The following AASS variants were observed in gnomAD, a reference collection of about 807,000 sequenced individuals.
The protein encoded by AASS is aminoadipate-semialdehyde synthase.
Under a neutral mutation model 105.4 loss-of-function variants are expected in AASS, and 86 were observed. The observed-to-expected ratio is 0.82, with a 90% CI of 0.69 to 0.98. The LOEUF (loss-of-function observed/expected upper bound fraction) is 0.98, where lower values mean the gene tolerates loss of function less well. AASS is among the 50% of genes least tolerant of loss of function. AASS has a pLI of 0.00. For missense variants in AASS, 1,048 were observed against 1,143.2 expected (o/e 0.92, Z 1.20); for synonymous variants, 381 against 394.8 (o/e 0.96, Z 0.41).
At chr7:122,110,533 T>C (rs925571041) in intron 11 of AASS, among the ~76,000 whole-genome samples, 4 of 151,914 alleles carry the variant, frequency 2.6e-5, no homozygotes, top group African/African-American at 9.7e-5. Flanking sequence ...CCAAATAGTT[T>C]TGCTAATGAA....
At chr7:122,128,315 C>A (rs1027206581) in intron 3 of AASS, among the ~76,000 whole-genome samples, 3 of 152,168 alleles carry the variant, frequency 2.0e-5, no homozygotes, top group African/African-American at 7.2e-5. Flanking sequence ...ATAAGCATTT[C>A]TGAACATGGT....
At chr7:122,093,254 T>C (rs903167304) in intron 15 of AASS, 96 bp from the exon 16 acceptor site, 1 of 901,422 alleles carries the variant, frequency 1.1e-6, no homozygotes, top group South Asian at 1.4e-5. Flanking sequence ...AAGGTACTGT[T>C]CTGATTAAAT....
intron 11 of AASS, among the ~76,000 whole-genome samples, chr7:122,111,899 G>A (rs1016153755): frequency 6.6e-6 from 1 of 151,960 alleles, no homozygotes; most frequent in African/African-American, 2.4e-5. Flanking sequence ...GCGAGAATCT[G>A]TCTCAAAAAA....
At chr7:122,101,168 C>A (rs536337444) in intron 13 of AASS, among the ~76,000 whole-genome samples, 2 of 151,908 alleles carry the variant, frequency 1.3e-5, no homozygotes, top group East Asian at 3.9e-4. Context: ...GCCAAAATGA[C>A]GCTATACTAC....
chr7:122,126,335 CA>C (rs766121352), intron 4 of AASS, 39 bp downstream of exon 4: 5 of 1,568,204 alleles, frequency 3.2e-6, no homozygotes, highest in Non-Finnish European at 3.5e-6. Context: ...TTCCCCAAGC[CA>C]ATTTAGGAAG....
chr7:122,116,541 G>A (rs1795185110), intron 8 of AASS, 92 bp downstream of exon 8: 1 of 1,520,348 alleles, frequency 6.6e-7, no homozygotes, highest in Non-Finnish European at 9.1e-7. Flanking sequence ...AAAACTGAAA[G>A]CCATTGTACA....
intron 11 of AASS, among the ~76,000 whole-genome samples, chr7:122,104,244 G>A (rs926782574): frequency 6.6e-6 from 1 of 151,944 alleles, no homozygotes; most frequent in Non-Finnish European, 1.5e-5. Flanking sequence ...CATCAGTGGT[G>A]AATTGGATAA....
chr7:122,085,876 A>T, intron 19 of AASS, 136 bp downstream of exon 19: 1 of 951,556 alleles, frequency 1.1e-6, no homozygotes, highest in Non-Finnish European at 1.6e-6. Context: ...ATATTCAATC[A>T]ATCATAAGAT....
Position 122,113,098 on chromosome 7 carries a change from G to C in AASS, c.1278+20C>G. 1 of 1,574,018 alleles carries C rather than the reference G, an allele frequency of 6.4e-7. No individual in the cohort carries two copies. The highest frequency in any genetic ancestry group is 8.7e-7 in the Non-Finnish European group (1 of 1,143,500). On this transcript the variant is annotated intron_variant, in intron 11 of 23. Transcript: ENST00000417368. Reference sequence around the variant, plus strand: ...AATTTAAAGCCACAGAGTTGTTACTGATATTACCAGTCTGCTTACCATTTC... The same window carrying C: ...AATTTAAAGCCACAGAGTTGTTACTCATATTACCAGTCTGCTTACCATTTC...
At chr7:122,129,978 C>A (rs1795838183) in intron 2 of AASS, among the ~76,000 whole-genome samples, 1 of 152,028 alleles carries the variant, frequency 6.6e-6, no homozygotes, top group African/African-American at 2.4e-5. Context: ...ACTATCCTTA[C>A]TGTACATTAG....
intron 1 of AASS, among the ~76,000 whole-genome samples, chr7:122,141,732 A>G (rs1009354992): frequency 2.6e-5 from 4 of 151,514 alleles, no homozygotes; most frequent in Non-Finnish European, 5.9e-5. Flanking sequence ...GTCGTGAAAT[A>G]TAGTACAGTA....
intron 22 of AASS, 134 bp from the exon 23 acceptor site, chr7:122,078,148 A>G: frequency 1.2e-6 from 1 of 845,806 alleles, no homozygotes; most frequent in Non-Finnish European, 1.9e-6. Context: ...TTATTTACAC[A>G]GCTTTTTAGC....
intron 23 of AASS, 88 bp from the exon 24 acceptor site, chr7:122,076,695 T>A: frequency 5.0e-6 from 5 of 994,570 alleles, no homozygotes; most frequent in Non-Finnish European, 8.1e-6. Context: ...AGAAGCAAAC[T>A]CAGAGTCAAT....
chr7:122,118,692 T>C, intron 4 of AASS, 62 bp from the exon 5 acceptor site: 1 of 1,531,444 alleles, frequency 6.5e-7, no homozygotes, highest in South Asian at 1.2e-5. Context: ...CTGTTCTCTC[T>C]GCTCGTTCTC....
intron 9 of AASS, 121 bp from the exon 10 acceptor site, chr7:122,113,841 G>C: frequency 2.6e-6 from 3 of 1,142,896 alleles, no homozygotes; most frequent in Non-Finnish European, 3.8e-6. Context: ...AGGCTTTTGG[G>C]GTCTTTTTCC....
chr7:122,124,862 A>G (rs550759577), intron 4 of AASS, among the ~76,000 whole-genome samples: 32 of 152,270 alleles, frequency 2.1e-4, no homozygotes, highest in African/African-American at 6.7e-4. Context: ...TGTTAGTTTA[A>G]TAGAGCTGAT....
At chr7:122,109,173 T>C (rs568979911) in intron 11 of AASS, among the ~76,000 whole-genome samples, 14 of 151,152 alleles carry the variant, frequency 9.3e-5, no homozygotes, top group African/African-American at 3.4e-4. Flanking sequence ...GATATTCCCA[T>C]GTTCATGGAA....
At chr7:122,106,731 C>T (rs1211457725) in intron 11 of AASS, among the ~76,000 whole-genome samples, 2 of 152,060 alleles carry the variant, frequency 1.3e-5, no homozygotes, top group Non-Finnish European at 2.9e-5. Flanking sequence ...GGATCACTTC[C>T]TTACAGCATA....
At chr7:122,139,354 A>G (rs1055416847) in intron 1 of AASS, among the ~76,000 whole-genome samples, 1 of 152,206 alleles carries the variant, frequency 6.6e-6, no homozygotes, top group Non-Finnish European at 1.5e-5. Flanking sequence ...AGTTTTATCA[A>G]ATTAAATGGT....
Sources: allele counts gnomAD v4.1 joint callset (sites outside exome capture counted in the v4.1 genomes callset), GRCh38; gene constraint gnomAD v4.1.1; transcripts MANE v1.5; gene names NCBI Gene and HGNC (gene_info 2026-07-23, HGNC 2026-07-21).